Variants in ATP10B observed in about 807,000 individuals in gnomAD.
The protein encoded by ATP10B is ATPase phospholipid transporting 10B (putative).
Under a neutral mutation model 141.2 loss-of-function variants are expected in ATP10B, and 122 were observed. The ratio of observed to expected loss-of-function variants is 0.86; its 90% CI spans 0.75 to 1.00. The LOEUF (loss-of-function observed/expected upper bound fraction) is 1.00, where lower values mean the gene tolerates loss of function less well. Among genes scored for constraint, ATP10B ranks in the 50% least tolerant of loss-of-function variants. The pLI is 0.00. For synonymous variants in ATP10B, 685 were observed against 692.0 expected, an observed-to-expected ratio of 0.99 and a Z score of 0.16; for missense variants, 1,876 against 1,825.3, an observed-to-expected ratio of 1.03 and a Z score of -0.51.
chr5:160,674,140 C>T (rs1762889926), intron 6 of ATP10B, among the ~76,000 whole-genome samples: 1 of 152,156 alleles, frequency 6.6e-6, no homozygotes, highest in African/African-American at 2.4e-5. Flanking sequence ...ACACCTTCCA[C>T]TCTGAGCAAA....
chr5:160,825,356 T>C (rs1022381347), intron 1 of ATP10B, among the ~76,000 whole-genome samples: 1 of 152,216 alleles, frequency 6.6e-6, no homozygotes, highest in Non-Finnish European at 1.5e-5. Context: ...TCCCCCATAC[T>C]GTTCTCATGG....
intron 21 of ATP10B, among the ~76,000 whole-genome samples, chr5:160,601,791 C>A (rs1757111761): frequency 1.3e-5 from 2 of 152,104 alleles, no homozygotes; most frequent in Non-Finnish European, 2.9e-5. Context: ...GTAAGACTAC[C>A]CAGACAAACT....
the ATP10B span, among the ~76,000 whole-genome samples, chr5:160,917,266 C>CT: frequency 5.8e-3 from 541 of 93,556 alleles, 3 homozygotes; most frequent in African/African-American, 0.029. Context: ...TTCTAGGGTA[C>CT]TTCTTTTTTT....
At chr5:160,725,416 C>T (rs1766269114) in intron 2 of ATP10B, among the ~76,000 whole-genome samples, 1 of 152,104 alleles carries the variant, frequency 6.6e-6, no homozygotes, top group Middle Eastern at 3.4e-3. Context: ...ATCGTCTTAC[C>T]TAGATCTAAT....
At chr5:160,577,722 T>C (rs1421945) in intron 24 of ATP10B, among the ~76,000 whole-genome samples, 119,608 of 152,128 alleles carry the variant, frequency 0.79, 47,166 homozygotes, top group East Asian at 0.85. Flanking sequence ...AATTTCTAAG[T>C]TTGTTAGGTT....
At chr5:160,763,958 GGA>G (rs1769224696) in intron 2 of ATP10B, among the ~76,000 whole-genome samples, 1 of 151,986 alleles carries the variant, frequency 6.6e-6, no homozygotes, top group Non-Finnish European at 1.5e-5. Context: ...AAAGCCTAGA[GGA>G]GATGGATAAA....
intron 2 of ATP10B, among the ~76,000 whole-genome samples, chr5:160,775,681 T>A (rs1325982529): frequency 6.8e-6 from 1 of 146,786 alleles, no homozygotes. Flanking sequence ...TTCAGATTTT[T>A]TTTTTTTTTT....
chr5:160,665,665 T>C (rs984379072), intron 7 of ATP10B, among the ~76,000 whole-genome samples: 2 of 152,218 alleles, frequency 1.3e-5, no homozygotes, highest in Non-Finnish European at 2.9e-5. Context: ...TTGGGACAAG[T>C]GCTTAGCAGA....
chr5:160,916,233 G>C, the ATP10B span, among the ~76,000 whole-genome samples: 1 of 152,194 alleles, frequency 6.6e-6, no homozygotes, highest in African/African-American at 2.4e-5. Flanking sequence ...TCTGGATTTG[G>C]GGATGTATGT....
chr5:160,755,739 C>T (rs897220744), intron 2 of ATP10B, among the ~76,000 whole-genome samples: 14 of 141,556 alleles, frequency 9.9e-5, no homozygotes, highest in East Asian at 2.2e-4. Flanking sequence ...GGCGTGAACT[C>T]GGGAGGCGGA....
intron 1 of ATP10B, among the ~76,000 whole-genome samples, chr5:160,847,501 T>C (rs1053345691): frequency 6.6e-6 from 1 of 152,192 alleles, no homozygotes; most frequent in Non-Finnish European, 1.5e-5. Flanking sequence ...CCTGGATTAC[T>C]GAGAGGGAAA....
At chr5:160,592,888 G>A (rs373956422) in intron 22 of ATP10B, among the ~76,000 whole-genome samples, 15 of 152,344 alleles carry the variant, frequency 9.8e-5, no homozygotes, top group East Asian at 7.7e-4. Context: ...GCCCATGCTT[G>A]CTTAGGTAAA....
intron 18 of ATP10B, among the ~76,000 whole-genome samples, chr5:160,608,299 T>C (rs1757514643): frequency 6.6e-6 from 1 of 152,218 alleles, no homozygotes; most frequent in South Asian, 2.1e-4. Context: ...ATGGTGTATA[T>C]GTGCCACATT....
At chr5:160,568,326 G>GAAGAGAACCTAGGGGC (rs1754675455) in intron 25 of ATP10B, among the ~76,000 whole-genome samples, 2 of 152,094 alleles carry the variant, frequency 1.3e-5, no homozygotes, top group Non-Finnish European at 2.9e-5. Context: ...CATAAAGTTA[G>GAAGAGAACCTAGGGGC]AAGAGAACCT....
chr5:160,890,869 C>A, the ATP10B span, among the ~76,000 whole-genome samples: 1 of 152,124 alleles, frequency 6.6e-6, no homozygotes, highest in Non-Finnish European at 1.5e-5. Context: ...GCTGCCATGC[C>A]TGGCAATTGT....
At chr5:160,869,165 T>A in the ATP10B span, among the ~76,000 whole-genome samples, 1 of 152,212 alleles carries the variant, frequency 6.6e-6, no homozygotes, top group Non-Finnish European at 1.5e-5. Context: ...ATCTGACATA[T>A]GTGTGTACAC....
At chr5:160,747,256 T>C (rs1767869068) in intron 2 of ATP10B, among the ~76,000 whole-genome samples, 1 of 152,182 alleles carries the variant, frequency 6.6e-6, no homozygotes, top group South Asian at 2.1e-4. Flanking sequence ...CTGCAGGCAT[T>C]TCAGTTTGTG....
intron 2 of ATP10B, among the ~76,000 whole-genome samples, chr5:160,728,096 TTTAC>T (rs139699122): frequency 0.22 from 13,599 of 62,828 alleles, 754 homozygotes; most frequent in Middle Eastern, 0.25. Context: ...TGATTCTTCC[TTTAC>T]TTTTTTTTTC....
At chr5:160,719,592 G>A (rs1765875247) in intron 2 of ATP10B, among the ~76,000 whole-genome samples, 1 of 152,162 alleles carries the variant, frequency 6.6e-6, no homozygotes, top group Non-Finnish European at 1.5e-5. Context: ...TATAACAATG[G>A]ACTGGAATGG....
Sources: gnomAD v4.1 joint callset for allele counts (sites outside exome capture counted in the v4.1 genomes callset) on GRCh38, gnomAD v4.1.1 for gene constraint, MANE v1.5 for transcripts, NCBI Gene and HGNC (gene_info 2026-07-23, HGNC 2026-07-21) for gene names.